The following CCDC3 variants were observed in gnomAD, a reference collection of about 807,000 sequenced individuals.
CCDC3 encodes the protein coiled-coil domain-containing protein 3.
Under a neutral mutation model 21.4 loss-of-function variants are expected in CCDC3, and 24 were observed. That is an observed-to-expected ratio of 1.12 (90% CI 0.81 to 1.58). CCDC3 has a LOEUF of 1.58. Among genes scored for constraint, CCDC3 ranks in the 40% most tolerant of loss-of-function variants. CCDC3 has a pLI of 0.00. For missense variants in CCDC3, 425 were observed against 360.9 expected, an observed-to-expected ratio of 1.18 and a Z score of -1.44; for synonymous variants, 186 against 166.0, an observed-to-expected ratio of 1.12 and a Z score of -0.93.
At chr10:12,947,862 G>C (rs1170487372) in intron 2 of CCDC3, among the ~76,000 whole-genome samples, 1 of 152,232 alleles carries the variant, frequency 6.6e-6, no homozygotes, top group Non-Finnish European at 1.5e-5. Flanking sequence ...CAATCCTGTG[G>C]TGTGCCTGCT....
chr10:12,996,370 C>G (rs754460027), intron 2 of CCDC3, among the ~76,000 whole-genome samples: 1 of 152,144 alleles, frequency 6.6e-6, no homozygotes, highest in African/African-American at 2.4e-5. Context: ...GAGTCTTACT[C>G]TGTCGCCCAG....
intron 2 of CCDC3, among the ~76,000 whole-genome samples, chr10:12,923,834 A>G (rs1187877858): frequency 3.3e-5 from 5 of 152,166 alleles, no homozygotes; most frequent in Admixed American, 1.3e-4. Flanking sequence ...CTGAGCATAA[A>G]GGTTTCAGAC....
chr10:12,939,380 C>T (rs1042101839), intron 2 of CCDC3, among the ~76,000 whole-genome samples: 3 of 152,160 alleles, frequency 2.0e-5, no homozygotes, highest in Non-Finnish European at 4.4e-5. Context: ...CCTGTAGTCC[C>T]GGCACTTTGG....
chr10:13,012,734 G>A (rs1003048778), intron 5 of CCDC3, among the ~76,000 whole-genome samples: 2 of 152,014 alleles, frequency 1.3e-5, no homozygotes, highest in South Asian at 2.1e-4. Context: ...TTGCACCACC[G>A]CACTCCAGCC....
In CCDC3 at chr10:13,067,700, A is replaced by G. The variant is rs1221972570; in HGVS notation, c.-270+6168T>C. Among the ~76,000 whole-genome samples, 3 of 151,828 alleles carry G rather than the reference A, an allele frequency of 2.0e-5. No homozygotes were observed. In the East Asian group the frequency reaches 5.8e-4, roughly 29 times the overall value. On this transcript the variant is annotated intron_variant, in intron 4 of 6. Coordinates refer to the CCDC3 transcript ENST00000378839. ...TCCTTTCTGGTTTGATATCTGCATG[A>G]TCTGTTGCTGATTCTCTTCCCCTCC...
intron 2 of CCDC3, among the ~76,000 whole-genome samples, chr10:12,931,697 T>C (rs1834646170): frequency 6.6e-6 from 1 of 152,342 alleles, no homozygotes; most frequent in East Asian, 1.9e-4. Context: ...CAAACCTCTC[T>C]AATATTTTCT....
intron 2 of CCDC3, among the ~76,000 whole-genome samples, chr10:12,907,763 C>T (rs1418629981): frequency 6.6e-6 from 1 of 152,166 alleles, no homozygotes; most frequent in Non-Finnish European, 1.5e-5. Context: ...CCTGCCCCCA[C>T]CTGCCCGCCC....
intron 2 of CCDC3, among the ~76,000 whole-genome samples, chr10:12,937,665 A>G (rs995537898): frequency 3.3e-5 from 5 of 152,210 alleles, no homozygotes; most frequent in African/African-American, 9.7e-5. Context: ...TATGGCACAG[A>G]AAAGTTTAAA....
intron 4 of CCDC3, chr10:13,058,269 C>A (rs9787488): frequency 0.16 from 222,676 of 1,363,244 alleles, 19,881 homozygotes; most frequent in South Asian, 0.25. Flanking sequence ...CCTGGCTGAC[C>A]ATCAATGCTT....
chr10:12,931,927 A>G (rs80345334), intron 2 of CCDC3, among the ~76,000 whole-genome samples: 7,181 of 152,288 alleles, frequency 0.047, 211 homozygotes, highest in Non-Finnish European at 0.071. Flanking sequence ...CATTTTTTAT[A>G]TATAAAAAAC....
chr10:12,925,007 G>A (rs1414836594), intron 2 of CCDC3, among the ~76,000 whole-genome samples: 2 of 152,206 alleles, frequency 1.3e-5, no homozygotes, highest in African/African-American at 4.8e-5. Flanking sequence ...AAGCACAGGT[G>A]GGGACAGTAG....
chr10:13,010,704 C>T (rs1430616093), intron 5 of CCDC3, among the ~76,000 whole-genome samples: 3 of 152,186 alleles, frequency 2.0e-5, no homozygotes, highest in African/African-American at 7.2e-5. Context: ...CTAGAAACAA[C>T]CCAAGTGTCC....
In CCDC3 at chr10:12,897,379, C is replaced by T. The variant is rs1368547175; in HGVS notation, c.*1037G>A. 6.6e-6 allele frequency: 1 copy of T among 152,184 alleles called. No individual in the cohort carries two copies. The highest frequency in any genetic ancestry group is 1.5e-5 in the Non-Finnish European group (1 of 68,046). The allele number at this position is 152,184 out of a possible 1,614,324, so 9.4% of individuals were successfully genotyped here. A position where few individuals can be genotyped will look rare whatever the true frequency, so the allele number is the denominator to read the frequency against. ...AGGAACTGACGTAAGGACAAGTGCA[C>T]TGACGTACACGTATTCCTATCGGAA... is the stretch of plus-strand genomic sequence containing the variant. On this transcript the variant is annotated 3_prime_UTR_variant, in exon 3 of 3. Transcript: ENST00000378825.
intron 3 of CCDC3, among the ~76,000 whole-genome samples, chr10:13,090,034 G>GATATATATAT (rs66476163): frequency 3.1e-5 from 4 of 129,162 alleles, no homozygotes; most frequent in African/African-American, 1.2e-4. Flanking sequence ...TATTCCGTTA[G>GATATATATAT]ATATATATAT....
At chr10:13,029,079 G>C (rs1439924295) in intron 5 of CCDC3, among the ~76,000 whole-genome samples, 1 of 152,174 alleles carries the variant, frequency 6.6e-6, no homozygotes, top group Non-Finnish European at 1.5e-5. Flanking sequence ...GTGCAGGAGA[G>C]AGTGACAGGA....
upstream of CCDC3, among the ~76,000 whole-genome samples, chr10:13,002,424 G>C (rs1835871105): frequency 6.6e-6 from 1 of 152,218 alleles, no homozygotes; most frequent in South Asian, 2.1e-4. Context: ...GTCTATATCT[G>C]TCACCCAGGC....
intron 3 of CCDC3, among the ~76,000 whole-genome samples, chr10:13,077,496 T>G (rs1419799927): frequency 6.6e-6 from 1 of 152,178 alleles, no homozygotes; most frequent in Non-Finnish European, 1.5e-5. Context: ...CTTCACAGAA[T>G]TGGAAAAAAC....
intron 2 of CCDC3, among the ~76,000 whole-genome samples, chr10:13,098,918 T>C (rs1832672432): frequency 6.6e-6 from 1 of 151,738 alleles, no homozygotes; most frequent in African/African-American, 2.4e-5. Flanking sequence ...GCTTTCACCA[T>C]ATTGGCCAGG....
rs146875381 is a variant in CCDC3, at chr10:12,902,210, T to C, written c.550-3531A>G. ...GTTAAGAAAAAGGAGCCAAGTGGAA[T>C]GTTCCAATAATACCTGTCATTTAAT... On this transcript the variant is annotated intron_variant, in intron 2 of 2. Transcript: ENST00000378825. 2.6e-4 allele frequency among the ~76,000 whole-genome samples: 39 copies of C among 152,344 alleles called. 2 individuals carry two copies. The East Asian group carries it at 5.8e-3, about 23-fold the overall frequency.
Sources: gnomAD v4.1 joint callset for allele counts (sites outside exome capture counted in the v4.1 genomes callset) on GRCh38, gnomAD v4.1.1 for gene constraint, MANE v1.5 for transcripts, NCBI Gene and HGNC (gene_info 2026-07-23, HGNC 2026-07-21) for gene names.